Variants in FOXP1 observed in about 807,000 individuals in gnomAD.
FOXP1 encodes the protein forkhead box protein P1.
A neutral mutation model predicts 98.2 loss-of-function variants in FOXP1; 15 were observed. The observed-to-expected ratio is 0.15, with a 90% CI of 0.10 to 0.24. The LOEUF is 0.24. FOXP1 is among the 10% of genes least tolerant of loss of function. The probability of loss-of-function intolerance (pLI) is 1.00; values close to 1 mark genes in which losing one functional copy is unlikely to be tolerated. For missense variants in FOXP1, 633 were observed against 848.5 expected, an observed-to-expected ratio of 0.75 and a Z score of 3.15; for synonymous variants, 371 against 314.5, an observed-to-expected ratio of 1.18 and a Z score of -1.90.
chr3:71,546,439 A>G (rs2045367352), intron 2 of FOXP1, among the ~76,000 whole-genome samples: 1 of 152,152 alleles, frequency 6.6e-6, no homozygotes, highest in South Asian at 2.1e-4. Flanking sequence ...CAAGTTACAA[A>G]TTCCATGTGG....
chr3:71,516,500 T>C (rs1451362888), intron 2 of FOXP1, among the ~76,000 whole-genome samples: 1 of 152,204 alleles, frequency 6.6e-6, no homozygotes, highest in Non-Finnish European at 1.5e-5. Context: ...TCCTAAAATA[T>C]ATTATCTTGG....
chr3:71,331,584 A>C (rs2076314421), intron 4 of FOXP1, among the ~76,000 whole-genome samples: 1 of 152,232 alleles, frequency 6.6e-6, no homozygotes, highest in Non-Finnish European at 1.5e-5. Flanking sequence ...GACTTGGAGA[A>C]TCTTCACGTC....
At chr3:71,534,396 T>C (rs1426560898) in intron 2 of FOXP1, among the ~76,000 whole-genome samples, 3 of 151,974 alleles carry the variant, frequency 2.0e-5, no homozygotes, top group African/African-American at 7.3e-5. Flanking sequence ...CCTAAGGCTC[T>C]CCCTATACAC....
In FOXP1 at chr3:70,955,341, G is replaced by C. The variant is rs2031513755; in HGVS notation, c.*3906C>G. 4.3e-6 allele frequency: 1 copy of C among 232,786 alleles called. No individual in the cohort carries two copies. Among genetic ancestry groups the C allele is most frequent in the African/African-American group, 2.2e-5 (1 of 45,298 alleles). The allele number at this position is 232,786 out of a possible 1,614,324, so 14.4% of individuals were successfully genotyped here. A position where few individuals can be genotyped will look rare whatever the true frequency, so the allele number is the denominator to read the frequency against. ...GTGTTAGAGCTGTCCAAAGGTGGCA[G>C]GACTGGTGGTAACTCTTCACGTATG... On this transcript the variant is annotated 3_prime_UTR_variant, in exon 21 of 21. Coordinates refer to ENST00000649528, the MANE Select transcript of FOXP1 (RefSeq NM_001349338.3).
intron 7 of FOXP1, among the ~76,000 whole-genome samples, chr3:71,063,193 T>C (rs2051790348): frequency 6.6e-6 from 1 of 152,226 alleles, no homozygotes; most frequent in African/African-American, 2.4e-5. Context: ...TTTTACACAC[T>C]TTTCACTGAA....
chr3:71,526,463 C>A (rs923316497), intron 2 of FOXP1, among the ~76,000 whole-genome samples: 10 of 152,158 alleles, frequency 6.6e-5, no homozygotes, highest in African/African-American at 2.4e-4. Context: ...CATATAGAAA[C>A]CTGCAAGGAA....
intron 12 of FOXP1, among the ~76,000 whole-genome samples, chr3:71,006,052 C>T (rs184081590): frequency 1.3e-5 from 2 of 152,068 alleles, no homozygotes; most frequent in Admixed American, 1.3e-4. Context: ...AGCTGAGAGT[C>T]GTGATTTGTA....
In FOXP1 at chr3:71,263,124, C is replaced by T. The variant is rs564859339; in HGVS notation, c.-12+36696G>A. ...TTTTTCCAACCCCTGCCCTTCAGAACACCTCTATACTCACCCTGGGCTAGG... is the reference window on the plus strand; with the variant it reads ...TTTTTCCAACCCCTGCCCTTCAGAATACCTCTATACTCACCCTGGGCTAGG... On this transcript the variant is annotated intron_variant, in intron 5 of 20. Coordinates refer to ENST00000649528, the MANE Select transcript of FOXP1 (RefSeq NM_001349338.3). Among the ~76,000 whole-genome samples, 16 of 152,262 alleles carry T rather than the reference C, an allele frequency of 1.1e-4. No individual in the cohort carries two copies. In the South Asian group the frequency reaches 2.3e-3, roughly 22 times the overall value.
intron 6 of FOXP1, among the ~76,000 whole-genome samples, chr3:71,158,366 A>G (rs912969101): frequency 6.7e-6 from 1 of 149,370 alleles, no homozygotes; most frequent in African/African-American, 2.5e-5. Flanking sequence ...TGCCCAGGGA[A>G]TGTTACCCAC....
At chr3:71,231,757 T>C (rs1441871704) in intron 5 of FOXP1, among the ~76,000 whole-genome samples, 2 of 152,248 alleles carry the variant, frequency 1.3e-5, no homozygotes, top group Non-Finnish European at 2.9e-5. Flanking sequence ...TTATGGTGCA[T>C]AAATAATTCT....
At chr3:71,288,479 TA>T (rs1560247221) in intron 5 of FOXP1, 1 of 152,208 alleles carries the variant, frequency 6.6e-6, no homozygotes, top group African/African-American at 2.4e-5. Flanking sequence ...GTAAAGGTGA[TA>T]GACAGACGTG....
chr3:71,429,835 A>G (rs991229919), intron 3 of FOXP1, among the ~76,000 whole-genome samples: 26 of 152,308 alleles, frequency 1.7e-4, no homozygotes, highest in African/African-American at 6.0e-4. Flanking sequence ...TTTTTCATTC[A>G]CTTTATTAAA....
chr3:71,213,319 C>A (rs2064644515), intron 5 of FOXP1, among the ~76,000 whole-genome samples: 1 of 152,226 alleles, frequency 6.6e-6, no homozygotes, highest in South Asian at 2.1e-4. Flanking sequence ...CAGGCATCTG[C>A]CTATTTACAT....
intron 12 of FOXP1, among the ~76,000 whole-genome samples, chr3:71,005,344 A>G (rs1311575694): frequency 2.2e-5 from 3 of 139,350 alleles, no homozygotes; most frequent in Non-Finnish European, 4.6e-5. Context: ...AAAAAAAACC[A>G]GAATCATAAG....
intron 5 of FOXP1, among the ~76,000 whole-genome samples, chr3:71,199,862 G>T (rs945112868): frequency 1.3e-5 from 2 of 151,968 alleles, no homozygotes; most frequent in African/African-American, 4.8e-5. Flanking sequence ...TGGATCACGA[G>T]GTCAGGAGTT....
At chr3:71,179,132 A>ATTT (rs1196237718) in intron 6 of FOXP1, among the ~76,000 whole-genome samples, 5 of 111,168 alleles carry the variant, frequency 4.5e-5, no homozygotes, top group Non-Finnish European at 9.0e-5. Flanking sequence ...CCTCTTAACA[A>ATTT]TCTTTTTTTT....
At chr3:71,330,752 A>G (rs2076242731) in intron 4 of FOXP1, among the ~76,000 whole-genome samples, 1 of 152,268 alleles carries the variant, frequency 6.6e-6, no homozygotes, top group African/African-American at 2.4e-5. Flanking sequence ...TGACATGGAA[A>G]AATGTGCTTG....
intron 5 of FOXP1, among the ~76,000 whole-genome samples, chr3:71,283,641 C>T (rs1165434276): frequency 6.6e-6 from 1 of 152,198 alleles, no homozygotes; most frequent in Non-Finnish European, 1.5e-5. Context: ...TCTTACTGTG[C>T]TAAGTGCATT....
At chr3:70,964,038 T>C (rs1378008748) in intron 20 of FOXP1, among the ~76,000 whole-genome samples, 1 of 152,192 alleles carries the variant, frequency 6.6e-6, no homozygotes, top group South Asian at 2.1e-4. Flanking sequence ...GAATGGAAAC[T>C]CTTGTCACTA....
Sources: allele counts gnomAD v4.1 joint callset (sites outside exome capture counted in the v4.1 genomes callset), GRCh38; gene constraint gnomAD v4.1.1; transcripts MANE v1.5; gene names NCBI Gene and HGNC (gene_info 2026-07-23, HGNC 2026-07-21).